The following IQCK variants were observed in gnomAD, a reference collection of about 807,000 sequenced individuals.
IQCK encodes IQ domain-containing protein K.
IQCK carries 29 observed loss-of-function variants against 28.1 expected under a neutral mutation model. The observed-to-expected ratio is 1.03, with a 90% CI of 0.77 to 1.41. The LOEUF is 1.41. Ranked by LOEUF, IQCK falls within the 40% of genes most tolerant of loss-of-function variation. The pLI is 0.00. For missense variants in IQCK, 359 were observed against 314.7 expected (o/e 1.14, Z -1.07); for synonymous variants, 113 against 115.1 (o/e 0.98, Z 0.12).
intron 1 of IQCK, among the ~76,000 whole-genome samples, chr16:19,728,508 G>T (rs1444383432): frequency 6.6e-6 from 1 of 152,072 alleles, no homozygotes; most frequent in Non-Finnish European, 1.5e-5. Context: ...CCTTGGCCTC[G>T]TAAAGTGCTG....
intron 4 of IQCK, among the ~76,000 whole-genome samples, chr16:19,758,205 C>T (rs1259852860): frequency 6.6e-6 from 1 of 152,156 alleles, no homozygotes; most frequent in Non-Finnish European, 1.5e-5. Flanking sequence ...TTTCATCACT[C>T]ACCACAACTT....
At chr16:19,727,585 A>ACCCC (rs10609957) in intron 1 of IQCK, among the ~76,000 whole-genome samples, 1 of 122,952 alleles carries the variant, frequency 8.1e-6, no homozygotes, top group African/African-American at 2.8e-5. Flanking sequence ...AGACTTTGTC[A>ACCCC]CCCCCCCCCC....
intron 4 of IQCK, among the ~76,000 whole-genome samples, chr16:19,755,916 C>T (rs2151702770): frequency 6.6e-6 from 1 of 152,342 alleles, no homozygotes; most frequent in East Asian, 1.9e-4. Context: ...AGCCCAGTGG[C>T]TCACACCTGT....
chr16:19,844,287 C>T (rs1483462199), intron 9 of IQCK, among the ~76,000 whole-genome samples: 2 of 152,122 alleles, frequency 1.3e-5, no homozygotes, highest in African/African-American at 2.4e-5. Flanking sequence ...ACTATGTTGG[C>T]CCGGCGGTGT....
intron 4 of IQCK, among the ~76,000 whole-genome samples, chr16:19,756,508 GTGA>G (rs1386125727): frequency 6.6e-6 from 1 of 152,222 alleles, no homozygotes; most frequent in East Asian, 1.9e-4. Context: ...CATCTCCAGT[GTGA>G]TGATATTAGA....
chr16:19,811,466 G>A (rs1334637997), intron 7 of IQCK, among the ~76,000 whole-genome samples: 2 of 152,178 alleles, frequency 1.3e-5, no homozygotes, highest in Admixed American at 6.5e-5. Context: ...TCACTGAGCT[G>A]TTGGGGGAAA....
At chr16:19,756,711 C>T (rs1035395338) in intron 4 of IQCK, among the ~76,000 whole-genome samples, 9 of 152,086 alleles carry the variant, frequency 5.9e-5, no homozygotes, top group African/African-American at 2.2e-4. Context: ...TCCTGGCTAA[C>T]ACAGTGAAAC....
chr16:19,813,254 A>G (rs2055931389), intron 7 of IQCK, among the ~76,000 whole-genome samples: 1 of 152,246 alleles, frequency 6.6e-6, no homozygotes, highest in South Asian at 2.1e-4. Flanking sequence ...TAGGAATTCC[A>G]GAGGGAAACA....
chr16:19,775,371 G>A (rs2055377417), intron 6 of IQCK, among the ~76,000 whole-genome samples: 1 of 151,982 alleles, frequency 6.6e-6, no homozygotes, highest in African/African-American at 2.4e-5. Flanking sequence ...AACATAAGCA[G>A]CTCATAAGGC....
intron 6 of IQCK, among the ~76,000 whole-genome samples, chr16:19,773,623 C>T (rs1432349030): frequency 1.3e-5 from 2 of 152,146 alleles, no homozygotes; most frequent in African/African-American, 4.8e-5. Flanking sequence ...GTCATGAAAG[C>T]AGCCATAGAT....
chr16:19,734,118 T>C lies in IQCK; in HGVS notation c.376+291T>C, dbSNP rs1977929397. 4 of 263,488 alleles carry C rather than the reference T, an allele frequency of 1.5e-5. No homozygotes were observed. The East Asian group carries it at 3.9e-4, about 26-fold the overall frequency. The allele number at this position is 263,488 out of a possible 1,614,324, so 16.3% of individuals were successfully genotyped here. A position where few individuals can be genotyped will look rare whatever the true frequency, so the allele number is the denominator to read the frequency against. On this transcript the variant is annotated intron_variant, in intron 3 of 7. Transcript: ENST00000564186. ...AGCCGGCTGTGATGGCTCATGCCTG[T>C]AATATCAGCACTTTGAGAGACCAAG...
chr16:19,728,501 TG>T (rs1399074123), intron 1 of IQCK, among the ~76,000 whole-genome samples: 27 of 152,282 alleles, frequency 1.8e-4, no homozygotes, highest in African/African-American at 6.3e-4. Flanking sequence ...CCACCCACCT[TG>T]GCCTCGTAAA....
intron 3 of IQCK, among the ~76,000 whole-genome samples, chr16:19,734,404 G>A (rs1977939868): frequency 6.9e-6 from 1 of 145,762 alleles, no homozygotes; most frequent in Non-Finnish European, 1.5e-5. Context: ...AGGTTGCAGT[G>A]AGCTAAGATC....
chr16:19,734,208 A>G (rs1977932322), intron 3 of IQCK, among the ~76,000 whole-genome samples: 1 of 152,034 alleles, frequency 6.6e-6, no homozygotes, highest in African/African-American at 2.4e-5. Context: ...TTTAAAAAAA[A>G]AATTATCACT....
At chr16:19,748,226 C>T (rs1488154761) in intron 4 of IQCK, among the ~76,000 whole-genome samples, 1 of 151,922 alleles carries the variant, frequency 6.6e-6, no homozygotes, top group African/African-American at 2.4e-5. Context: ...AGGTGTGTGC[C>T]ACCAGTCCCA....
intron 7 of IQCK, among the ~76,000 whole-genome samples, chr16:19,813,796 G>A (rs1384047493): frequency 6.6e-6 from 1 of 152,146 alleles, no homozygotes; most frequent in Non-Finnish European, 1.5e-5. Context: ...TAAAAGTTGA[G>A]AATTGGAAGG....
At chr16:19,819,829 C>T (rs886131228) in intron 7 of IQCK, among the ~76,000 whole-genome samples, 6 of 151,476 alleles carry the variant, frequency 4.0e-5, no homozygotes, top group Non-Finnish European at 5.9e-5. Context: ...CTTGCTAATA[C>T]GGTGAAACTC....
intron 4 of IQCK, among the ~76,000 whole-genome samples, chr16:19,749,001 G>T (rs1049169996): frequency 2.0e-5 from 3 of 152,114 alleles, no homozygotes; most frequent in African/African-American, 7.2e-5. Context: ...TGAAAATGAG[G>T]TTTTTTTGAA....
chr16:19,817,729 TA>T, intron 7 of IQCK, among the ~76,000 whole-genome samples: 1 of 152,326 alleles, frequency 6.6e-6, no homozygotes, highest in South Asian at 2.1e-4. Context: ...CAGAACCTGT[TA>T]ACTTAAAATT....
Sources: allele counts gnomAD v4.1 joint callset (sites outside exome capture counted in the v4.1 genomes callset), GRCh38; gene constraint gnomAD v4.1.1; transcripts MANE v1.5; gene names NCBI Gene and HGNC (gene_info 2026-07-23, HGNC 2026-07-21).